The following FAT3 variants were observed in gnomAD, a reference collection of about 807,000 sequenced individuals.
FAT3 encodes FAT atypical cadherin 3, also known as protocadherin Fat 3.
Under a neutral mutation model 310.2 loss-of-function variants are expected in FAT3, and 95 were observed. The observed-to-expected ratio is 0.31, with a 90% CI of 0.26 to 0.36. The LOEUF is 0.36. Among genes scored for constraint, FAT3 ranks in the 10% least tolerant of loss-of-function variants. The probability of loss-of-function intolerance (pLI) is 1.00; values close to 1 mark genes in which losing one functional copy is unlikely to be tolerated. For synonymous variants in FAT3, 2,314 were observed against 2,192.9 expected (o/e 1.06, Z -1.54); for missense variants, 5,408 against 5,715.6 (o/e 0.95, Z 1.74).
At chr11:92,744,223 C>T (rs755469592) in intron 4 of FAT3, among the ~76,000 whole-genome samples, 6 of 152,112 alleles carry the variant, frequency 3.9e-5, no homozygotes, top group Non-Finnish European at 8.8e-5. Flanking sequence ...TCTTTTGATT[C>T]TTCTAAAACT....
At chr11:92,412,923 A>G (rs971954488) in intron 2 of FAT3, among the ~76,000 whole-genome samples, 1 of 151,518 alleles carries the variant, frequency 6.6e-6, no homozygotes. Flanking sequence ...ATTAGAACTG[A>G]CAAACCTACA....
At chr11:92,770,549 C>G (rs1291161062) in intron 6 of FAT3, among the ~76,000 whole-genome samples, 3 of 152,170 alleles carry the variant, frequency 2.0e-5, no homozygotes, top group Non-Finnish European at 4.4e-5. Flanking sequence ...AGCTTGTGCA[C>G]AACTCCCTGA....
rs187161739 is a variant in FAT3 at position 92,525,291 on chromosome 11, C to G, written c.3607+343C>G. Among the ~76,000 whole-genome samples the G allele has an allele frequency of 1.3e-4, 20 of 152,298 alleles. No homozygotes were observed. The East Asian group carries it at 3.5e-3, about 27-fold the overall frequency. On this transcript the variant is annotated intron_variant, in intron 3 of 27. Coordinates refer to ENST00000525166, the MANE Select transcript of FAT3 (RefSeq NM_001367949.2). ...CCTGGCCTCTGCTGGATTCTATGAG[C>G]AAGCTGGCTTTGTGATGCCTCTACC...
chr11:92,486,129 G>GTTTTTTTTTTTTTTTTTTTT (rs1565353395), intron 2 of FAT3, among the ~76,000 whole-genome samples: 3 of 27,668 alleles, frequency 1.1e-4, no homozygotes, highest in African/African-American at 1.7e-4. Context: ...AGGCTGCTGG[G>GTTTTTTTTTTTTTTTTTTTT]GTTTTTTTTT....
At chr11:92,863,911 A>G (rs1235539640) in intron 21 of FAT3, among the ~76,000 whole-genome samples, 2 of 152,252 alleles carry the variant, frequency 1.3e-5, no homozygotes, top group East Asian at 1.9e-4. Context: ...AGTTTGTCAT[A>G]TAAACAAAGC....
intron 14 of FAT3, among the ~76,000 whole-genome samples, chr11:92,833,484 A>G (rs1948319692): frequency 6.6e-6 from 1 of 152,230 alleles, no homozygotes; most frequent in African/African-American, 2.4e-5. Context: ...CAGAGAAGTT[A>G]AATAATTACC....
intron 3 of FAT3, among the ~76,000 whole-genome samples, chr11:92,691,808 G>C (rs925250412): frequency 6.6e-6 from 1 of 152,112 alleles, no homozygotes; most frequent in Non-Finnish European, 1.5e-5. Context: ...TTCAGAGTTA[G>C]AGGAAAAATT....
chr11:92,467,794 G>T lies in FAT3; in HGVS notation c.3293-56840G>T, dbSNP rs545462761. Among the ~76,000 whole-genome samples, 3 of 152,230 alleles carry T rather than the reference G, an allele frequency of 2.0e-5. No homozygotes were observed. The East Asian group carries it at 5.8e-4, about 29-fold the overall frequency. On this transcript the variant is annotated intron_variant, in intron 2 of 27. Coordinates refer to ENST00000525166, the MANE Select transcript of FAT3 (RefSeq NM_001367949.2). ...TGTTTTTGAACATTTTTTCTGAAGT[G>T]CCATTGTTTCTCCAATCCTAGGACT...
intron 3 of FAT3, among the ~76,000 whole-genome samples, chr11:92,659,290 G>C (rs1942690997): frequency 6.6e-6 from 1 of 152,092 alleles, no homozygotes; most frequent in Non-Finnish European, 1.5e-5. Flanking sequence ...TGTTATTTCT[G>C]TTATTCATTC....
At chr11:92,559,074 G>A (rs1955125283) in intron 3 of FAT3, among the ~76,000 whole-genome samples, 1 of 151,978 alleles carries the variant, frequency 6.6e-6, no homozygotes, top group African/African-American at 2.4e-5. Flanking sequence ...TGAGGAAATT[G>A]AGATTTATGA....
chr11:92,362,260 GTA>G (rs1948901063), intron 2 of FAT3, among the ~76,000 whole-genome samples: 1 of 152,168 alleles, frequency 6.6e-6, no homozygotes, highest in Non-Finnish European at 1.5e-5. Flanking sequence ...AACCGAAAAG[GTA>G]TTTGAGACAC....
chr11:92,765,155 A>AG (rs985470900), intron 6 of FAT3, 66 bp downstream of exon 6: 19 of 1,348,624 alleles, frequency 1.4e-5, no homozygotes, highest in Non-Finnish European at 1.6e-5. Flanking sequence ...CTAGGAAAAA[A>AG]AAAAAAAAGA....
At chr11:92,446,935 C>A (rs1318235398) in intron 2 of FAT3, among the ~76,000 whole-genome samples, 1 of 152,052 alleles carries the variant, frequency 6.6e-6, no homozygotes, top group Non-Finnish European at 1.5e-5. Context: ...TTTGAACTTG[C>A]AGTTTTATAT....
At chr11:92,701,259 T>C (rs1423145713) in intron 4 of FAT3, among the ~76,000 whole-genome samples, 1 of 152,198 alleles carries the variant, frequency 6.6e-6, no homozygotes, top group Admixed American at 6.5e-5. Flanking sequence ...CATTAATGAT[T>C]TCTTGGTAGT....
intron 2 of FAT3, among the ~76,000 whole-genome samples, chr11:92,403,959 C>T (rs939429306): frequency 3.3e-5 from 5 of 151,966 alleles, no homozygotes; most frequent in African/African-American, 1.2e-4. Context: ...TTGCTTGAAC[C>T]TGGGAGGCGG....
intron 2 of FAT3, among the ~76,000 whole-genome samples, chr11:92,478,735 G>T (rs2135181867): frequency 6.6e-6 from 1 of 151,968 alleles, no homozygotes; most frequent in East Asian, 2.0e-4. Context: ...TCCTGCCTCA[G>T]CCTCCTGAGT....
At chr11:92,373,048 A>C (rs1367260474) in intron 2 of FAT3, among the ~76,000 whole-genome samples, 2 of 152,152 alleles carry the variant, frequency 1.3e-5, no homozygotes, top group African/African-American at 4.8e-5. Flanking sequence ...GTATGAATTC[A>C]TGAGCTGGAA....
intron 2 of FAT3, among the ~76,000 whole-genome samples, chr11:92,370,713 A>G (rs527688585): frequency 1.3e-5 from 2 of 152,166 alleles, no homozygotes; most frequent in Non-Finnish European, 2.9e-5. Flanking sequence ...AAGGTAAACC[A>G]TCAGAAATGG....
chr11:92,489,811 C>A (rs1402145135), intron 2 of FAT3, among the ~76,000 whole-genome samples: 1 of 151,818 alleles, frequency 6.6e-6, no homozygotes, highest in African/African-American at 2.4e-5. Flanking sequence ...CAGCTCTCTG[C>A]AGAAGGCTGA....
Sources: gnomAD v4.1 joint callset for allele counts (sites outside exome capture counted in the v4.1 genomes callset) on GRCh38, gnomAD v4.1.1 for gene constraint, MANE v1.5 for transcripts, NCBI Gene and HGNC (gene_info 2026-07-23, HGNC 2026-07-21) for gene names.